Variants in SSBP1 observed in about 807,000 individuals in gnomAD.
The protein encoded by SSBP1 is single-stranded DNA-binding protein, mitochondrial.
Under a neutral mutation model 27.0 loss-of-function variants are expected in SSBP1, and 20 were observed. That is an observed-to-expected ratio of 0.74 (90% CI 0.52 to 1.08). The LOEUF (loss-of-function observed/expected upper bound fraction) is 1.08. Ranked by LOEUF, SSBP1 falls within the 50% of genes least tolerant of loss-of-function variation. The pLI is 0.00. For missense variants in SSBP1, 137 were observed against 182.4 expected (o/e 0.75, Z 1.44); for synonymous variants, 59 against 59.3 (o/e 1.00, Z 0.02).
chr7:141,747,677 C>T (rs369358878), intron 6 of SSBP1, among the ~76,000 whole-genome samples: 1 of 151,330 alleles, frequency 6.6e-6, no homozygotes, highest in East Asian at 2.0e-4. Context: ...CGTGAGCCAC[C>T]GTGCCCGGCT....
chr7:141,740,767 C>T (rs1799496136), intron 2 of SSBP1: 1 of 152,114 alleles, frequency 6.6e-6, no homozygotes, highest in African/African-American at 2.4e-5. Flanking sequence ...AGGAAATTTC[C>T]TATGAAATAT....
At chr7:141,742,321 C>T in intron 3 of SSBP1, 92 bp downstream of exon 3, 1 of 918,422 alleles carries the variant, frequency 1.1e-6, no homozygotes, top group Non-Finnish European at 1.7e-6. Context: ...TTGGGTTAAC[C>T]ATGTTGCCAT....
chr7:141,748,616 T>TA lies in SSBP1; in HGVS notation c.404-1694dup, dbSNP rs533181925. Among the ~76,000 whole-genome samples the TA allele has an allele frequency of 2.0e-4, 31 of 151,618 alleles. No individual in the cohort carries two copies. The South Asian group carries it at 4.1e-3, about 20-fold the overall frequency. Reference sequence around the variant, plus strand: ...TAGATTGTTCGGATTATTGAGTTGTTACTAATAAGCCAAACGGAAGCATTT... The same window carrying TA: ...TAGATTGTTCGGATTATTGAGTTGTTAACTAATAAGCCAAACGGAAGCATTT... On this transcript the variant is annotated intron_variant, in intron 6 of 6. Coordinates refer to ENST00000265304, the MANE Select transcript of SSBP1 (RefSeq NM_003143.3).
intron 2 of SSBP1, chr7:141,739,397 C>T (rs73520143): frequency 0.022 from 8,925 of 403,080 alleles, 314 homozygotes; most frequent in South Asian, 0.14. Context: ...TTTATTCACA[C>T]GTAATAGGAA....
intron 5 of SSBP1, 106 bp from the exon 6 acceptor site, chr7:141,745,390 A>G (rs376471637): frequency 3.2e-6 from 3 of 929,792 alleles, no homozygotes; most frequent in South Asian, 5.4e-5. Flanking sequence ...TAGCTTATAT[A>G]TGATTATATA....
intron 2 of SSBP1, chr7:141,741,752 A>T (rs1179786387): frequency 2.0e-6 from 2 of 992,512 alleles, no homozygotes; most frequent in Non-Finnish European, 2.4e-6. Flanking sequence ...TTTCCAGCTA[A>T]TGAAAGCTGG....
At chr7:141,742,342 G>A (rs1384870242) in intron 3 of SSBP1, 113 bp downstream of exon 3, 15 of 708,046 alleles carry the variant, frequency 2.1e-5, no homozygotes, top group Non-Finnish European at 2.5e-6. Flanking sequence ...TGTGCTTTTA[G>A]CTCATGTTTG....
intron 5 of SSBP1, among the ~76,000 whole-genome samples, chr7:141,744,861 T>C (rs983215744): frequency 9.9e-5 from 15 of 152,140 alleles, no homozygotes; most frequent in Non-Finnish European, 1.3e-4. Context: ...GTGTTGTACT[T>C]TTTTGGTGGT....
At chr7:141,749,816 A>C (rs894695738) in intron 6 of SSBP1, among the ~76,000 whole-genome samples, 1 of 152,352 alleles carries the variant, frequency 6.6e-6, no homozygotes. Flanking sequence ...TTGTAATTTA[A>C]AAATAAAATT....
chr7:141,740,203 A>G (rs1799475577), intron 2 of SSBP1: 1 of 152,198 alleles, frequency 6.6e-6, no homozygotes, highest in African/African-American at 2.4e-5. Context: ...TCATATCTTT[A>G]TTTTCTTATC....
chr7:141,750,438 A>G lies in SSBP1; in HGVS notation c.*84A>G, dbSNP rs1316317144. On this transcript the variant is annotated 3_prime_UTR_variant, in exon 7 of 7. Coordinates refer to ENST00000265304, the MANE Select transcript of SSBP1 (RefSeq NM_003143.3). ...ATCTTTATGGCTTCCAAGGACAAGA[A>G]TTAAAATACTCTTTTACGTAAAATG... 34 of 1,118,714 alleles carry G rather than the reference A, an allele frequency of 3.0e-5. No homozygotes were observed. Among genetic ancestry groups the G allele is most frequent in the Non-Finnish European group, 4.2e-5 (33 of 781,436 alleles). 69.3% of individuals were successfully genotyped at this position (1,118,714 alleles called of 1,614,324 possible). A position where few individuals can be genotyped will look rare whatever the true frequency, so the allele number is the denominator to read the frequency against.
At chr7:141,742,077 G>A (rs1259779269) in intron 2 of SSBP1, 92 bp from the exon 3 acceptor site, 41 of 945,534 alleles carry the variant, frequency 4.3e-5, no homozygotes, top group Non-Finnish European at 6.4e-5. Context: ...AGGAACTACT[G>A]ACTATATGGT....
intron 3 of SSBP1, 118 bp downstream of exon 3, chr7:141,742,347 T>C: frequency 1.4e-6 from 1 of 704,742 alleles, no homozygotes. Context: ...TTTTAGCTCA[T>C]GTTTGCTCTT....
At chr7:141,743,725 T>C in intron 4 of SSBP1, 24 bp downstream of exon 4, 2 of 1,608,972 alleles carry the variant, frequency 1.2e-6, no homozygotes, top group Non-Finnish European at 1.7e-6. Flanking sequence ...ACTGGGGTTT[T>C]AATTTTATCA....
rs1554421722 is a variant in SSBP1 at position 141,748,017 on chromosome 7, A to AT, written c.404-2281dup. 5.6e-3 allele frequency among the ~76,000 whole-genome samples: 784 copies of AT among 139,936 alleles called. 9 individuals are homozygous for AT. Among genetic ancestry groups the AT allele is most frequent in the African/African-American group, 0.017 (615 of 37,184 alleles). The allele number at this position is 139,936 out of a possible 152,430, so 91.8% of individuals were successfully genotyped here. On this transcript the variant is annotated intron_variant, in intron 6 of 6. Coordinates refer to ENST00000265304, the MANE Select transcript of SSBP1 (RefSeq NM_003143.3). ...TCTCAAAAAAAAAAAAAAAAAAAAA[A>AT]TTTTTTTTTTTTTACTATGGAAAAT...
At chr7:141,749,911 T>A (rs1401346365) in intron 6 of SSBP1, among the ~76,000 whole-genome samples, 1 of 152,260 alleles carries the variant, frequency 6.6e-6, no homozygotes, top group East Asian at 1.9e-4. Flanking sequence ...TACTCTTTCC[T>A]CTAGACCCCC....
intron 3 of SSBP1, among the ~76,000 whole-genome samples, chr7:141,742,828 T>C (rs998040626): frequency 6.6e-6 from 1 of 152,242 alleles, no homozygotes; most frequent in Non-Finnish European, 1.5e-5. Context: ...ATAGCATTTC[T>C]TCTGGACATT....
At position 141,745,527 on chromosome 7, in the gene SSBP1, T is replaced by A. The variant is rs11554106; in HGVS notation, c.346T>A (p.Tyr116Asn). 6.2e-7 allele frequency: 1 copy of A among 1,607,526 alleles called. No homozygotes were observed. Among genetic ancestry groups the A allele is most frequent in the Non-Finnish European group, 8.5e-7 (1 of 1,176,814 alleles). The part of the protein sequence containing the change: ...SRIYLEGKID[Y>N]GEYMDKNNVR... ...AATTTATTTGGAAGGGAAAATAGAC[T>A]ATGGTGAATACATGGATAAAAATAA... is the stretch of plus-strand genomic sequence containing the variant. The change falls in exon 6 of 7, where the codon TAT (tyrosine) becomes AAT (asparagine). Residue 116 changes from tyrosine (Y) to asparagine (N), a missense_variant. Tyr to Asn is a moderately radical substitution (Grantham distance 143, BLOSUM62 -2). Around this residue, in one of 2 missense-constraint regions of SSBP1, gnomAD observed 95 missense variants for 152.0 expected, o/e 0.62. Coordinates refer to ENST00000265304, the MANE Select transcript of SSBP1 (RefSeq NM_003143.3).
In SSBP1 at chr7:141,743,656, A is replaced by G; in HGVS notation, c.181A>G (p.Thr61Ala). Reference sequence around the variant, plus strand: ...TCCAGTCACAATATTTTCTCTAGCAACTAATGAGATGTGGCGATCAGGGGA... The same window carrying G: ...TCCAGTCACAATATTTTCTCTAGCAGCTAATGAGATGTGGCGATCAGGGGA... ...KNPVTIFSLA[T>A]NEMWRSGDSE... is the part of the protein sequence containing the mutation. Residue 61 changes from threonine (T) to alanine (A), a missense_variant, in exon 4 of 7, where the codon ACT (threonine) becomes GCT (alanine). Thr to Ala is a moderately conservative substitution (Grantham distance 58, BLOSUM62 0). Transcript: ENST00000265304. 1 of 1,614,226 alleles carries G rather than the reference A, an allele frequency of 6.2e-7. No homozygotes were observed. The highest frequency in any genetic ancestry group is 8.5e-7 in the Non-Finnish European group (1 of 1,180,054).
Sources: gnomAD v4.1 joint callset for allele counts (sites outside exome capture counted in the v4.1 genomes callset) on GRCh38, gnomAD v4.1.1 for gene constraint, gnomAD v4.1.1 regional missense constraint, MANE v1.5 for transcripts, NCBI Gene and HGNC (gene_info 2026-07-23, HGNC 2026-07-21) for gene names.